The following PRKN variants were observed in gnomAD, a reference collection of about 807,000 sequenced individuals.
PRKN encodes parkin RBR E3 ubiquitin protein ligase.
PRKN carries 56 observed loss-of-function variants against 59.5 expected under a neutral mutation model. The ratio of observed to expected loss-of-function variants is 0.94; its 90% CI spans 0.76 to 1.18. PRKN has a LOEUF of 1.18. PRKN is among the 50% of genes most tolerant of loss of function. The probability of loss-of-function intolerance (pLI) is 0.00; values close to 1 mark genes in which losing one functional copy is unlikely to be tolerated. For missense variants in PRKN, 657 were observed against 596.4 expected, an observed-to-expected ratio of 1.10 and a Z score of -1.06; for synonymous variants, 250 against 222.1, an observed-to-expected ratio of 1.13 and a Z score of -1.12.
At chr6:161,916,790 ATTTTTC>A (rs1444656796) in intron 6 of PRKN, among the ~76,000 whole-genome samples, 12 of 152,042 alleles carry the variant, frequency 7.9e-5, no homozygotes, top group East Asian at 1.9e-4. Context: ...TTTAATTTTA[ATTTTTC>A]TTTTTCTTTT....
At chr6:161,663,694 C>T (rs993115745) in intron 7 of PRKN, among the ~76,000 whole-genome samples, 18 of 152,160 alleles carry the variant, frequency 1.2e-4, no homozygotes, top group African/African-American at 4.3e-4. Flanking sequence ...TTTTATTAAA[C>T]TGCAAAGGAT....
At chr6:162,063,164 T>G (rs1051340723) in intron 4 of PRKN, among the ~76,000 whole-genome samples, 2 of 152,098 alleles carry the variant, frequency 1.3e-5, no homozygotes, top group Admixed American at 1.3e-4. Flanking sequence ...CACTAAAATA[T>G]GACTATGCAA....
chr6:162,185,629 G>C (rs147023079), intron 4 of PRKN, among the ~76,000 whole-genome samples: 1 of 152,076 alleles, frequency 6.6e-6, no homozygotes, highest in African/African-American at 2.4e-5. Context: ...TCTGTGGTAC[G>C]AAGGGTCCAC....
At chr6:162,443,273 G>T in intron 2 of PRKN, 37 bp downstream of exon 2, 1 of 1,608,128 alleles carries the variant, frequency 6.2e-7, no homozygotes, top group South Asian at 1.1e-5. Context: ...CAATGGAGCT[G>T]GCGGCATCCC....
At chr6:162,062,480 C>T (rs1778141090) in intron 4 of PRKN, among the ~76,000 whole-genome samples, 3 of 152,162 alleles carry the variant, frequency 2.0e-5, no homozygotes, top group African/African-American at 7.2e-5. Flanking sequence ...CCCAGTTCCT[C>T]AGAATGTGAA....
At chr6:162,530,981 CG>C (rs1282269765) in intron 1 of PRKN, among the ~76,000 whole-genome samples, 2 of 143,812 alleles carry the variant, frequency 1.4e-5, no homozygotes, top group Non-Finnish European at 3.0e-5. Context: ...TGCTTGAACC[CG>C]GGAGGCGGAG....
chr6:161,427,296 T>C (rs982843056), intron 9 of PRKN, among the ~76,000 whole-genome samples: 4 of 152,178 alleles, frequency 2.6e-5, no homozygotes, highest in African/African-American at 9.7e-5. Context: ...CATGTTACTA[T>C]TGGGCCCTAA....
intron 7 of PRKN, among the ~76,000 whole-genome samples, chr6:161,653,539 C>T (rs552581820): frequency 2.6e-5 from 4 of 152,260 alleles, no homozygotes; most frequent in African/African-American, 2.4e-5. Flanking sequence ...AAATATCATC[C>T]GGGTGCGTGC....
chr6:162,163,748 T>A (rs1782858738), intron 4 of PRKN, among the ~76,000 whole-genome samples: 1 of 149,074 alleles, frequency 6.7e-6, no homozygotes, highest in Admixed American at 6.7e-5. Context: ...GAGGGGAACA[T>A]GAGTGAAAGG....
At position 161,519,119 on chromosome 6, in the gene PRKN, C is replaced by A. The variant is rs367595749; in HGVS notation, c.1083+29735G>T. ...AGTATAGGCTAATTGAGGGAGATTG[C>A]ACTGTTAGTGAAAAAAGTGGAATGT... On this transcript the variant is annotated intron_variant, in intron 9 of 11. Coordinates refer to ENST00000366898, the MANE Select transcript of PRKN (RefSeq NM_004562.3). Among the ~76,000 whole-genome samples, 5 of 152,194 alleles carry A rather than the reference C, an allele frequency of 3.3e-5. No individual in the cohort carries two copies. The South Asian group carries it at 1.0e-3, about 32-fold the overall frequency.
In PRKN at chr6:161,356,265, A is replaced by T. The variant is rs1400051594; in HGVS notation, c.1285+3823T>A. 3.3e-5 allele frequency among the ~76,000 whole-genome samples: 5 copies of T among 152,298 alleles called. No homozygotes were observed. Among genetic ancestry groups the T allele is most frequent in the Non-Finnish European group, 1.5e-5 (1 of 68,022 alleles). On this transcript the variant is annotated intron_variant, in intron 11 of 11. Coordinates refer to ENST00000366898, the MANE Select transcript of PRKN (RefSeq NM_004562.3). The surrounding 1 kb of genome is among the most constrained non-coding windows in gnomAD (Gnocchi z 7.8). ...TGACAGTGCCCCCCAACAGGAGGGC[A>T]GGGGTCTTTGGCAGGGTGGTAAGGG...
intron 4 of PRKN, among the ~76,000 whole-genome samples, chr6:162,092,700 A>G (rs1299890704): frequency 2.0e-5 from 3 of 152,232 alleles, no homozygotes; most frequent in Non-Finnish European, 4.4e-5. Flanking sequence ...TCTATTTCTG[A>G]TATTTCAAAG....
chr6:161,691,859 C>A (rs190158208), intron 7 of PRKN, among the ~76,000 whole-genome samples: 2 of 151,080 alleles, frequency 1.3e-5, no homozygotes, highest in South Asian at 4.2e-4. Flanking sequence ...CGATGAAGAT[C>A]TTAAAGGCGT....
chr6:161,689,234 A>ACACACAC, intron 7 of PRKN, among the ~76,000 whole-genome samples: 2 of 141,846 alleles, frequency 1.4e-5, no homozygotes, highest in Admixed American at 7.0e-5. Context: ...ACACACACAC[A>ACACACAC]AAGTGAACCC....
chr6:162,428,703 A>G (rs887885561), intron 2 of PRKN, among the ~76,000 whole-genome samples: 3 of 152,164 alleles, frequency 2.0e-5, no homozygotes, highest in Non-Finnish European at 4.4e-5. Flanking sequence ...AACATCACAA[A>G]GCTACATGTG....
At chr6:162,631,448 C>T (rs1376191580) in intron 1 of PRKN, among the ~76,000 whole-genome samples, 4 of 152,184 alleles carry the variant, frequency 2.6e-5, no homozygotes, top group Admixed American at 6.5e-5. Context: ...TTTAGTGATG[C>T]TGAGCATTTT....
rs532080551 is a variant in PRKN at position 162,142,100 on chromosome 6, C to T, written c.534+59031G>A. Among the ~76,000 whole-genome samples the T allele has an allele frequency of 1.8e-4, 28 of 152,032 alleles. 1 individual carries two copies. Among genetic ancestry groups the T allele is most frequent in the African/African-American group, 5.8e-4 (24 of 41,452 alleles). On this transcript the variant is annotated intron_variant, in intron 4 of 11. Transcript: ENST00000366898. Reference sequence around the variant, plus strand: ...GATTTTAGTTCACAAAACTCAGATACGAAACTGCAATAAGTCTGAAAAGCA... The same window carrying T: ...GATTTTAGTTCACAAAACTCAGATATGAAACTGCAATAAGTCTGAAAAGCA...
Position 162,476,150 on chromosome 6 carries a change from C to T in PRKN, c.8-32677G>A, listed in dbSNP as rs1317434611. Among the ~76,000 whole-genome samples the T allele has an allele frequency of 4.0e-5, 6 of 151,352 alleles. No homozygotes were observed. In the South Asian group the frequency reaches 8.3e-4, roughly 21 times the overall value. The stretch of plus-strand genomic sequence containing the variant: ...TCAGCTCACTGCAACCTCCGCCTCT[C>T]GGTTTCAAACGATTCTCCTGCCTCA... On this transcript the variant is annotated intron_variant, in intron 1 of 11. Coordinates refer to ENST00000366898, the MANE Select transcript of PRKN (RefSeq NM_004562.3).
intron 1 of PRKN, among the ~76,000 whole-genome samples, chr6:162,615,986 A>G (rs1370639791): frequency 2.0e-5 from 3 of 152,208 alleles, no homozygotes; most frequent in Admixed American, 6.5e-5. Context: ...AACATTATGT[A>G]TTATTGCCAA....
Sources: gnomAD v4.1 joint callset for allele counts (sites outside exome capture counted in the v4.1 genomes callset) on GRCh38, gnomAD v4.1.1 for gene constraint, Gnocchi (gnomAD v3.1) non-coding constraint, MANE v1.5 for transcripts, NCBI Gene and HGNC (gene_info 2026-07-23, HGNC 2026-07-21) for gene names.